Variants in TOLLIP observed in about 807,000 individuals in gnomAD.
TOLLIP encodes toll-interacting protein.
Under a neutral mutation model 33.5 loss-of-function variants are expected in TOLLIP, and 16 were observed. That is an observed-to-expected ratio of 0.48 (90% CI 0.32 to 0.72). The LOEUF (loss-of-function observed/expected upper bound fraction) is 0.72. Among genes scored for constraint, TOLLIP ranks in the 30% least tolerant of loss-of-function variants. The probability of loss-of-function intolerance (pLI) is 0.03; values close to 1 mark genes in which losing one functional copy is unlikely to be tolerated. For missense variants in TOLLIP, 325 were observed against 396.6 expected, an observed-to-expected ratio of 0.82 and a Z score of 1.53; for synonymous variants, 176 against 163.7, an observed-to-expected ratio of 1.07 and a Z score of -0.57.
At chr11:1,299,411 C>T (rs757073865) in intron 1 of TOLLIP, among the ~76,000 whole-genome samples, 1 of 152,172 alleles carries the variant, frequency 6.6e-6, no homozygotes, top group Non-Finnish European at 1.5e-5. Context: ...TCACGAGTCA[C>T]AGGGGAGAGA....
chr11:1,286,900 C>G (rs1416728878), intron 4 of TOLLIP, among the ~76,000 whole-genome samples: 1 of 152,040 alleles, frequency 6.6e-6, no homozygotes, highest in Admixed American at 6.6e-5. Context: ...CTCCTGAGTT[C>G]AAAACTGTCC....
intron 1 of TOLLIP, among the ~76,000 whole-genome samples, chr11:1,297,086 G>A (rs565137947): frequency 6.6e-6 from 1 of 152,132 alleles, no homozygotes; most frequent in Non-Finnish European, 1.5e-5. Context: ...GTCAGCGCCA[G>A]TGCCCTGGGC....
rs1863330076 is a variant in TOLLIP, at chr11:1,277,015, C to A, written c.*24G>T. 6.2e-7 allele frequency: 1 copy of A among 1,608,232 alleles called. No individual in the cohort carries two copies. Among genetic ancestry groups the A allele is most frequent in the East Asian group, 2.2e-5 (1 of 44,746 alleles). On this transcript the variant is annotated 3_prime_UTR_variant, in exon 6 of 6. Coordinates refer to ENST00000317204, the MANE Select transcript of TOLLIP (RefSeq NM_019009.4). This position sits in a 1 kb window ranked among gnomAD's most constrained non-coding sequence, Gnocchi z 4.2. The stretch of plus-strand genomic sequence containing the variant: ...GGTCGGCGTGTCCAAAGAGCGGGGG[C>A]AAAACGGCATCGAGGCAGAGGCTCT...
chr11:1,278,406 T>C lies in TOLLIP; in HGVS notation c.611-1153A>G, dbSNP rs143124042. The stretch of plus-strand genomic sequence containing the variant: ...TAGGACTTTTGTTCCTTTCTACACT[T>C]GGAGGATCCTAAAGGCAGCAGAAGC... On this transcript the variant is annotated intron_variant, in intron 5 of 5. Transcript: ENST00000317204. This position sits in a 1 kb window ranked among gnomAD's most constrained non-coding sequence, Gnocchi z 4.7. Among the ~76,000 whole-genome samples, 335 of 152,248 alleles carry C rather than the reference T, an allele frequency of 2.2e-3. 5 individuals carry two copies. The highest frequency in any genetic ancestry group is 7.7e-3 in the African/African-American group (318 of 41,552).
chr11:1,288,948 C>T (rs747674247), intron 3 of TOLLIP, among the ~76,000 whole-genome samples, 172 bp from the exon 4 acceptor site: 2 of 152,248 alleles, frequency 1.3e-5, no homozygotes, highest in Non-Finnish European at 2.9e-5. Context: ...GCTTCACGAT[C>T]GTATATCAGC....
At chr11:1,284,865 T>G (rs972602577) in intron 5 of TOLLIP, among the ~76,000 whole-genome samples, 1 of 151,502 alleles carries the variant, frequency 6.6e-6, no homozygotes, top group Non-Finnish European at 1.5e-5. Flanking sequence ...GCCCAGAGTC[T>G]CCCAGTGCCG....
rs561653438 is a variant in TOLLIP at position 1,275,677 on chromosome 11, C to A, written c.*1362G>T. The A allele has an allele frequency of 6.6e-6, 1 of 152,320 alleles. No individual in the cohort carries two copies. The highest frequency in any genetic ancestry group is 2.4e-5 in the African/African-American group (1 of 41,574). 9.4% of individuals were successfully genotyped at this position (152,320 alleles called of 1,614,324 possible). ...AAATATTTATCAACAGTATATTTGA[C>A]AAAAACCACCCCCAATCGATGGCAG... is the stretch of plus-strand genomic sequence containing the variant. On this transcript the variant is annotated 3_prime_UTR_variant, in exon 6 of 6. Transcript: ENST00000317204.
At chr11:1,292,170 T>C (rs1863974047) in intron 2 of TOLLIP, 1 of 152,284 alleles carries the variant, frequency 6.6e-6, no homozygotes, top group Admixed American at 6.5e-5. Flanking sequence ...AATTCCCTTC[T>C]GCTGCACACC....
chr11:1,307,055 C>T (rs1864439284), intron 1 of TOLLIP, among the ~76,000 whole-genome samples: 1 of 152,200 alleles, frequency 6.6e-6, no homozygotes, highest in Admixed American at 6.5e-5. Context: ...GCCATGTCTA[C>T]CGTGCTGCCC....
chr11:1,276,791 G>C lies in TOLLIP; in HGVS notation c.*248C>G. Reference sequence around the variant, plus strand: ...ATGAGAAGGAGAGACGCACGTCCCAGGGACAGGAGAGCGCGCTGAGACCTC... The same window carrying C: ...ATGAGAAGGAGAGACGCACGTCCCACGGACAGGAGAGCGCGCTGAGACCTC... On this transcript the variant is annotated 3_prime_UTR_variant, in exon 6 of 6. Transcript: ENST00000317204. 2.0e-6 allele frequency: 3 copies of C among 1,520,994 alleles called. No homozygotes were observed. The highest frequency in any genetic ancestry group is 2.6e-6 in the Non-Finnish European group (3 of 1,137,568). The allele number at this position is 1,520,994 out of a possible 1,614,324, so 94.2% of individuals were successfully genotyped here. A position where few individuals can be genotyped will look rare whatever the true frequency, so the allele number is the denominator to read the frequency against.
intron 4 of TOLLIP, among the ~76,000 whole-genome samples, chr11:1,288,319 G>A (rs777801988): frequency 2.6e-5 from 4 of 152,324 alleles, no homozygotes; most frequent in Admixed American, 2.0e-4. Context: ...GGCTGTGGGG[G>A]TCCTCCGAGG....
chr11:1,302,542 A>G (rs1864313422), intron 1 of TOLLIP: 15 of 979,630 alleles, frequency 1.5e-5, no homozygotes, highest in Non-Finnish European at 1.7e-5. Flanking sequence ...TCCCTCACCC[A>G]CCACCCTTCA....
chr11:1,276,858 C>T lies in TOLLIP; in HGVS notation c.*181G>A, dbSNP rs532419888. The T allele has an allele frequency of 2.2e-4, 339 of 1,534,242 alleles. 4 individuals carry two copies. The South Asian group carries it at 2.4e-3, about 11-fold the overall frequency. On this transcript the variant is annotated 3_prime_UTR_variant, in exon 6 of 6. Coordinates refer to ENST00000317204, the MANE Select transcript of TOLLIP (RefSeq NM_019009.4). The stretch of plus-strand genomic sequence containing the variant: ...GGGGAGCCCCCGCCCCGTCCTGGAC[C>T]GCCAGGAACCGAAAACCCACATGCA...
At position 1,277,058 on chromosome 11, in the gene TOLLIP, T is replaced by C. The variant is rs1467724187; in HGVS notation, c.806A>G (p.Gln269Arg). The C allele has an allele frequency of 6.2e-7, 1 of 1,613,868 alleles. No homozygotes were observed. The highest frequency in any genetic ancestry group is 8.5e-7 in the Non-Finnish European group (1 of 1,179,958). ...NKDAAINSLL[Q>R]MGEEP ...GAGGCTCTATGGCTCCTCCCCCATCTGCAGCAGGGAGTTGATGGCGGCATC... is the reference window on the plus strand; with the variant it reads ...GAGGCTCTATGGCTCCTCCCCCATCCGCAGCAGGGAGTTGATGGCGGCATC... The change falls in exon 6 of 6, where the codon CAG (glutamine) becomes CGG (arginine). Residue 269 changes from glutamine to arginine, a missense_variant. Coordinates refer to ENST00000317204, the MANE Select transcript of TOLLIP (RefSeq NM_019009.4). This position sits in a 1 kb window ranked among gnomAD's most constrained non-coding sequence, Gnocchi z 4.2.
At position 1,309,423 on chromosome 11, in the gene TOLLIP, C is replaced by G. The variant is rs777978307; in HGVS notation, c.33+43G>C. ...CCTGACCCAAGGCCCCGCCCGCAAC[C>G]GCAGGTCACCGCCCCCGCCCGACCC... is the stretch of plus-strand genomic sequence containing the variant. On this transcript the variant is annotated intron_variant, in intron 1 of 5. Coordinates refer to ENST00000317204, the MANE Select transcript of TOLLIP (RefSeq NM_019009.4). 1.4e-4 allele frequency: 166 copies of G among 1,203,470 alleles called. 4 individuals are homozygous for G. Among genetic ancestry groups the G allele is most frequent in the Non-Finnish European group, 8.4e-6 (8 of 950,680 alleles). 74.5% of individuals were successfully genotyped at this position (1,203,470 alleles called of 1,614,324 possible). A position where few individuals can be genotyped will look rare whatever the true frequency, so the allele number is the denominator to read the frequency against.
intron 5 of TOLLIP, among the ~76,000 whole-genome samples, chr11:1,283,926 GTC>G (rs1449714872): frequency 6.6e-6 from 1 of 152,252 alleles, no homozygotes; most frequent in Non-Finnish European, 1.5e-5. Context: ...GAGGGCCTGG[GTC>G]TCTGTTCTTT....
chr11:1,281,887 G>A lies in TOLLIP; in HGVS notation c.610+4115C>T, dbSNP rs143078447. Among the ~76,000 whole-genome samples the A allele has an allele frequency of 4.3e-4, 65 of 152,348 alleles. No individual in the cohort carries two copies. In the Middle Eastern group the frequency reaches 0.014, roughly 32 times the overall value. ...GTGACTCCACCATGCTTGCCTAGTC[G>A]GCCCGAGACGCCCTGAGCACGCAGC... On this transcript the variant is annotated intron_variant, in intron 5 of 5. Transcript: ENST00000317204.
Position 1,295,716 on chromosome 11 carries a change from G to C in TOLLIP, c.112C>G (p.Gln38Glu), listed in dbSNP as rs752535779. The change falls in exon 2 of 6, where the codon CAG becomes GAG. Residue 38 changes from glutamine (Q) to glutamate (E), a missense_variant. Coordinates refer to ENST00000317204, the MANE Select transcript of TOLLIP (RefSeq NM_019009.4). ...QQQRQVQLDA[Q>E]AAQQLQYGGA... is the part of the protein sequence containing the mutation. ...CCGTACTGCAGCTGCTGGGCCGCCTGGGCGTCCAGCTGGACCTGCCGCTGC... is the reference window on the plus strand; with the variant it reads ...CCGTACTGCAGCTGCTGGGCCGCCTCGGCGTCCAGCTGGACCTGCCGCTGC... 19 of 1,610,908 alleles carry C rather than the reference G, an allele frequency of 1.2e-5. No homozygotes were observed. The highest frequency in any genetic ancestry group is 5.3e-5 in the African/African-American group (4 of 74,894).
chr11:1,297,108 G>T (rs1249543381), intron 1 of TOLLIP, among the ~76,000 whole-genome samples: 1 of 152,134 alleles, frequency 6.6e-6, no homozygotes, highest in Non-Finnish European at 1.5e-5. Flanking sequence ...GTTGTTTTCA[G>T]GAAATACCGA....
Sources: allele counts gnomAD v4.1 joint callset (sites outside exome capture counted in the v4.1 genomes callset), GRCh38; gene constraint gnomAD v4.1.1; non-coding constraint Gnocchi (gnomAD v3.1); transcripts MANE v1.5; gene names NCBI Gene and HGNC (gene_info 2026-07-23, HGNC 2026-07-21).